LMBR1: variants seen among roughly 807,000 people sequenced by gnomAD.
LMBR1 encodes limb development membrane protein 1, also known as limb region 1 protein homolog.
Under a neutral mutation model 73.9 loss-of-function variants are expected in LMBR1, and 52 were observed. The ratio of observed to expected loss-of-function variants is 0.70; its 90% confidence interval spans 0.56 to 0.89. The LOEUF is 0.89. Ranked by LOEUF, LMBR1 falls within the 40% of genes least tolerant of loss-of-function variation. The pLI is 0.00. For missense variants in LMBR1, 539 were observed against 579.8 expected (o/e 0.93, Z 0.72); for synonymous variants, 215 against 209.4 (o/e 1.03, Z -0.23).
intron 5 of LMBR1, among the ~76,000 whole-genome samples, chr7:156,765,642 A>G (rs1204227834): frequency 6.6e-6 from 1 of 152,102 alleles, no homozygotes; most frequent in South Asian, 2.1e-4. Context: ...TTTTTATTAC[A>G]CACTAAATAT....
chr7:156,687,072 G>A (rs1206622792), intron 16 of LMBR1, among the ~76,000 whole-genome samples: 1 of 152,118 alleles, frequency 6.6e-6, no homozygotes, highest in African/African-American at 2.4e-5. Flanking sequence ...CCTCCCAAAG[G>A]TCACCCTCTC....
rs1805394653 is a variant in LMBR1 at position 156,683,451 on chromosome 7, A to C, written c.*627T>G. On this transcript the variant is annotated 3_prime_UTR_variant, in exon 17 of 17. Transcript: ENST00000353442. ...TGTGGCTCTCTAAGGCTCCAGGTTT[A>C]AAAGAATTTAGTATTTTCCCCTTGG... 6.6e-6 allele frequency: 1 copy of C among 152,644 alleles called. No homozygotes were observed. The highest frequency in any genetic ancestry group is 1.5e-5 in the Non-Finnish European group (1 of 68,040). 9.5% of individuals were successfully genotyped at this position (152,644 alleles called of 1,614,324 possible). A position where few individuals can be genotyped will look rare whatever the true frequency, so the allele number is the denominator to read the frequency against.
At chr7:156,710,126 C>A (rs886139225) in intron 15 of LMBR1, among the ~76,000 whole-genome samples, 1 of 151,038 alleles carries the variant, frequency 6.6e-6, no homozygotes, top group African/African-American at 2.4e-5. Context: ...AGGATGCTCT[C>A]GATCTCCCGA....
chr7:156,682,464 T>A lies in LMBR1; in HGVS notation c.*1614A>T, dbSNP rs1441002957. ...AGCTGAATTTTATTAACTTTTTAGG[T>A]ATGTCGATTTTATGCTGAGAAATTC... On this transcript the variant is annotated 3_prime_UTR_variant, in exon 17 of 17. Transcript: ENST00000353442. 2 of 152,218 alleles carry A rather than the reference T, an allele frequency of 1.3e-5. No individual in the cohort carries two copies. Among genetic ancestry groups the A allele is most frequent in the East Asian group, 3.9e-4 (2 of 5,192 alleles). 9.4% of individuals were successfully genotyped at this position (152,218 alleles called of 1,614,324 possible).
At chr7:156,734,095 T>G (rs758248567) in intron 10 of LMBR1, 82 bp downstream of exon 10, 42 of 769,032 alleles carry the variant, frequency 5.5e-5, no homozygotes, top group Non-Finnish European at 8.3e-5. Flanking sequence ...TTTCATAAAT[T>G]TTCTAATATT....
At chr7:156,734,075 A>T in intron 10 of LMBR1, 102 bp downstream of exon 10, 1 of 652,954 alleles carries the variant, frequency 1.5e-6, no homozygotes, top group Non-Finnish European at 2.5e-6. Flanking sequence ...CAAAAGTTTT[A>T]ACATAAAGAT....
intron 1 of LMBR1, among the ~76,000 whole-genome samples, chr7:156,864,410 T>C (rs919612958): frequency 3.3e-5 from 5 of 152,210 alleles, no homozygotes; most frequent in African/African-American, 7.2e-5. Context: ...TTTCACTCTA[T>C]ATTAATATGT....
At chr7:156,765,513 T>C (rs1390723670) in intron 5 of LMBR1, among the ~76,000 whole-genome samples, 2 of 152,198 alleles carry the variant, frequency 1.3e-5, no homozygotes, top group East Asian at 1.9e-4. Flanking sequence ...TATTTCTTCA[T>C]AGCAGTGTGA....
downstream of LMBR1, chr7:156,675,896 A>G (rs768198078): frequency 1.1e-5 from 18 of 1,600,110 alleles, no homozygotes; most frequent in South Asian, 1.9e-4. Flanking sequence ...CAACCAGCAG[A>G]CTCAGCTGCA....
At chr7:156,674,425 G>A (rs1282701548), downstream of LMBR1, among the ~76,000 whole-genome samples, 2 of 152,248 alleles carry the variant, frequency 1.3e-5, no homozygotes, top group African/African-American at 4.8e-5. Flanking sequence ...GTGGCTGACA[G>A]TCACCATTGG....
intron 1 of LMBR1, among the ~76,000 whole-genome samples, chr7:156,853,126 G>A (rs948451174): frequency 6.6e-6 from 1 of 152,040 alleles, no homozygotes; most frequent in South Asian, 2.1e-4. Flanking sequence ...TTTTAGTAGA[G>A]ACGGGATTTC....
intron 9 of LMBR1, among the ~76,000 whole-genome samples, chr7:156,748,729 T>C (rs547260257): frequency 2.5e-4 from 38 of 152,334 alleles, no homozygotes; most frequent in African/African-American, 8.2e-4. Context: ...CCTCAGGTGA[T>C]CTGCCCACCT....
At chr7:156,767,353 C>T (rs183761166) in intron 5 of LMBR1, among the ~76,000 whole-genome samples, 42 of 151,536 alleles carry the variant, frequency 2.8e-4, no homozygotes, top group Admixed American at 3.9e-4. Flanking sequence ...ATATAAATAA[C>T]GATATATATA....
chr7:156,835,249 G>A (rs1178745564), intron 2 of LMBR1, among the ~76,000 whole-genome samples: 1 of 152,184 alleles, frequency 6.6e-6, no homozygotes, highest in Non-Finnish European at 1.5e-5. Flanking sequence ...GCACCCATCT[G>A]CTTCAGTGTC....
chr7:156,787,163 T>C (rs73166145), intron 5 of LMBR1, among the ~76,000 whole-genome samples: 12,518 of 152,186 alleles, frequency 0.082, 712 homozygotes, highest in African/African-American at 0.16. Context: ...CGCTTCTTAC[T>C]GAGCCTCAGT....
chr7:156,846,294 A>C lies in LMBR1; in HGVS notation c.67-9409T>G, dbSNP rs80335357. Among the ~76,000 whole-genome samples, 57 of 152,064 alleles carry C rather than the reference A, an allele frequency of 3.7e-4. 1 individual carries two copies. Among genetic ancestry groups the C allele is most frequent in the African/African-American group, 1.4e-3 (56 of 41,462 alleles). On this transcript the variant is annotated intron_variant, in intron 1 of 16. Coordinates refer to ENST00000353442, the MANE Select transcript of LMBR1 (RefSeq NM_022458.4). ...CCCTGTCTTTTAAAAAAACAAACAA[A>C]CAACAACAACAAAAACAAAGATGCC...
At chr7:156,847,211 T>C (rs1455056121) in intron 1 of LMBR1, among the ~76,000 whole-genome samples, 1 of 152,154 alleles carries the variant, frequency 6.6e-6, no homozygotes, top group Non-Finnish European at 1.5e-5. Flanking sequence ...CAAATGGTGC[T>C]GAAACAACTG....
At chr7:156,697,286 C>G (rs985444350) in intron 15 of LMBR1, among the ~76,000 whole-genome samples, 16 of 152,152 alleles carry the variant, frequency 1.1e-4, no homozygotes, top group Admixed American at 1.0e-3. Context: ...TCTGAGGGAA[C>G]AGGACAAAGG....
intron 15 of LMBR1, among the ~76,000 whole-genome samples, chr7:156,701,940 C>T (rs926692864): frequency 2.6e-5 from 4 of 152,136 alleles, no homozygotes; most frequent in East Asian, 1.9e-4. Context: ...CATCCATATC[C>T]AGGCAAAGGA....
Sources: allele counts gnomAD v4.1 joint callset (sites outside exome capture counted in the v4.1 genomes callset), GRCh38; gene constraint gnomAD v4.1.1; transcripts MANE v1.5; gene names NCBI Gene and HGNC (gene_info 2026-07-23, HGNC 2026-07-21).